The following CAST variants were observed in gnomAD, a reference collection of about 807,000 sequenced individuals.
CAST encodes calpastatin, also known as MIR583 host.
A neutral mutation model predicts 119.6 loss-of-function variants in CAST; 76 were observed. That is an observed-to-expected ratio of 0.64 (90% CI 0.53 to 0.77). The LOEUF (loss-of-function observed/expected upper bound fraction) is 0.77. Among genes scored for constraint, CAST ranks in the 30% least tolerant of loss-of-function variants. The pLI is 0.00. For synonymous variants in CAST, 319 were observed against 331.6 expected, an observed-to-expected ratio of 0.96 and a Z score of 0.41; for missense variants, 953 against 946.5, an observed-to-expected ratio of 1.01 and a Z score of -0.09.
intron 1 of CAST, among the ~76,000 whole-genome samples, chr5:96,545,718 C>T (rs1347674024): frequency 6.6e-6 from 1 of 152,156 alleles, no homozygotes; most frequent in Non-Finnish European, 1.5e-5. Context: ...ATCACCATGA[C>T]CGCTTATTTC....
chr5:96,272,193 ACT>A, the CAST span, among the ~76,000 whole-genome samples: 21 of 151,852 alleles, frequency 1.4e-4, no homozygotes, highest in African/African-American at 4.8e-4. Context: ...TGTGGAAAAA[ACT>A]CTATGGAGGT....
intron 3 of CAST, among the ~76,000 whole-genome samples, chr5:96,699,680 C>A (rs897914159): frequency 2.0e-5 from 3 of 152,210 alleles, no homozygotes; most frequent in Non-Finnish European, 2.9e-5. Flanking sequence ...GTGTAAATCA[C>A]ATGCCTTCAC....
chr5:96,083,638 A>C, the CAST span, among the ~76,000 whole-genome samples: 1 of 152,244 alleles, frequency 6.6e-6, no homozygotes, highest in African/African-American at 2.4e-5. Flanking sequence ...ATGTGAATGG[A>C]AACTACTGTA....
chr5:96,564,092 G>A (rs1052340446), intron 1 of CAST, among the ~76,000 whole-genome samples: 2 of 152,122 alleles, frequency 1.3e-5, no homozygotes, highest in African/African-American at 4.8e-5. Context: ...AACCCTGACC[G>A]CTGCATAATG....
chr5:96,194,099 G>A, the CAST span, among the ~76,000 whole-genome samples: 2 of 152,086 alleles, frequency 1.3e-5, no homozygotes, highest in African/African-American at 2.4e-5. Flanking sequence ...CTAAAAGAAA[G>A]CATGCTAAAC....
chr5:96,344,169 C>T, the CAST span, among the ~76,000 whole-genome samples: 1 of 151,962 alleles, frequency 6.6e-6, no homozygotes, highest in Non-Finnish European at 1.5e-5. Context: ...ATATCAAAGG[C>T]TAGTACCGCA....
chr5:96,416,050 T>A, the CAST span: 3 of 1,608,296 alleles, frequency 1.9e-6, no homozygotes, highest in Non-Finnish European at 2.6e-6. Context: ...TTTGGAATTG[T>A]ATGCAACTCC....
intron 16 of CAST, among the ~76,000 whole-genome samples, chr5:96,745,337 CAACT>C (rs1195330962): frequency 5.3e-5 from 8 of 152,206 alleles, no homozygotes; most frequent in Non-Finnish European, 1.0e-4. Context: ...AGTAATTAAT[CAACT>C]AACCAATCAG....
chr5:96,390,752 CTT>C, the CAST span: 2 of 152,556 alleles, frequency 1.3e-5, no homozygotes, highest in African/African-American at 4.8e-5. Context: ...TAAGTTTTCT[CTT>C]TGACATTTTC....
the CAST span, among the ~76,000 whole-genome samples, chr5:96,491,340 A>AC: frequency 1.1e-4 from 17 of 149,242 alleles, no homozygotes; most frequent in Non-Finnish European, 2.4e-4. Context: ...CAAAAAAAAA[A>AC]CTTAGCCGGG....
the CAST span, among the ~76,000 whole-genome samples, chr5:95,996,767 G>A: frequency 2.0e-5 from 3 of 152,024 alleles, no homozygotes; most frequent in Non-Finnish European, 4.4e-5. Flanking sequence ...GTGGGTCCCA[G>A]GAATCTACAT....
At chr5:96,651,521 T>TATCC in intron 1 of CAST, among the ~76,000 whole-genome samples, 1 of 152,352 alleles carries the variant, frequency 6.6e-6, no homozygotes, top group Middle Eastern at 3.4e-3. Context: ...GTCCTTTCCT[T>TATCC]TGTAAGCTTC....
At chr5:96,074,350 T>C in the CAST span, among the ~76,000 whole-genome samples, 7 of 152,142 alleles carry the variant, frequency 4.6e-5, no homozygotes, top group Non-Finnish European at 7.3e-5. Context: ...GGTAATTAGG[T>C]TTAGATGAGG....
chr5:96,617,520 T>C (rs576663254), intron 1 of CAST, among the ~76,000 whole-genome samples: 2 of 152,150 alleles, frequency 1.3e-5, no homozygotes, highest in South Asian at 4.2e-4. Context: ...CCGGGCACGG[T>C]GGCTCATGCC....
intron 16 of CAST, among the ~76,000 whole-genome samples, chr5:96,745,287 C>T (rs1213948695): frequency 6.6e-6 from 1 of 152,200 alleles, no homozygotes; most frequent in Admixed American, 6.5e-5. Context: ...AATCCCAAAG[C>T]ATAGAACAGT....
the CAST span, among the ~76,000 whole-genome samples, chr5:96,277,050 G>A: frequency 6.6e-6 from 1 of 152,158 alleles, no homozygotes; most frequent in African/African-American, 2.4e-5. Context: ...GTATTCCATT[G>A]TATAAATAAA....
At chr5:96,443,039 A>G in the CAST span, among the ~76,000 whole-genome samples, 6 of 152,042 alleles carry the variant, frequency 3.9e-5, no homozygotes, top group African/African-American at 1.2e-4. Context: ...CTCTATTATT[A>G]TCTCTTCAGA....
At chr5:96,589,828 C>T (rs187928325) in intron 1 of CAST, among the ~76,000 whole-genome samples, 27 of 152,250 alleles carry the variant, frequency 1.8e-4, no homozygotes, top group African/African-American at 6.5e-4. Flanking sequence ...GGTCTTTCTT[C>T]GATTATAAGA....
chr5:96,507,157 C>G, the CAST span, among the ~76,000 whole-genome samples: 1 of 152,032 alleles, frequency 6.6e-6, no homozygotes. Context: ...TCAGCACCCT[C>G]GGAAGGGAAA....
Sources: allele counts gnomAD v4.1 joint callset (sites outside exome capture counted in the v4.1 genomes callset), GRCh38; gene constraint gnomAD v4.1.1; transcripts MANE v1.5; gene names NCBI Gene and HGNC (gene_info 2026-07-23, HGNC 2026-07-21).